Variants in CDH19 observed in about 807,000 individuals in gnomAD.
CDH19 encodes the protein cadherin 19, also known as cadherin-19.
Under a neutral mutation model 64.2 loss-of-function variants are expected in CDH19, and 67 were observed. That is an observed-to-expected ratio of 1.04 (90% CI 0.86 to 1.28). The LOEUF is 1.28. CDH19 is among the 50% of genes most tolerant of loss of function. The pLI is 0.00. For missense variants in CDH19, 1,030 were observed against 929.0 expected (o/e 1.11, Z -1.41); for synonymous variants, 346 against 319.3 (o/e 1.08, Z -0.89).
Position 66,535,113 on chromosome 18 carries a change from C to A in CDH19, c.1215-6G>T. 3 of 1,438,534 alleles carry A rather than the reference C, an allele frequency of 2.1e-6. No homozygotes were observed. Among genetic ancestry groups the A allele is most frequent in the South Asian group, 1.5e-5 (1 of 67,288 alleles). 89.1% of individuals were successfully genotyped at this position (1,438,534 alleles called of 1,614,324 possible). ...TGCTCCTAGTAATAGAATACCTGAA[C>A]CAAAAGGAAAGTATACCTTAATATT... On this transcript the variant is annotated splice_polypyrimidine_tract_variant and splice_region_variant and intron_variant, in intron 7 of 11. Coordinates refer to ENST00000262150, the MANE Select transcript of CDH19 (RefSeq NM_021153.4).
chr18:66,587,716 T>C (rs1479576887), intron 1 of CDH19, among the ~76,000 whole-genome samples: 1 of 152,084 alleles, frequency 6.6e-6, no homozygotes, highest in Non-Finnish European at 1.5e-5. Context: ...GTGGAGCCTC[T>C]ACCAAGCCTG....
At chr18:66,517,645 T>C (rs903639425) in intron 9 of CDH19, among the ~76,000 whole-genome samples, 1 of 152,056 alleles carries the variant, frequency 6.6e-6, no homozygotes, top group Admixed American at 6.6e-5. Context: ...CTATGATCAA[T>C]TTATTATCCA....
At chr18:66,584,698 C>T (rs1988524511) in intron 1 of CDH19, among the ~76,000 whole-genome samples, 1 of 152,026 alleles carries the variant, frequency 6.6e-6, no homozygotes, top group Non-Finnish European at 1.5e-5. Flanking sequence ...TACACATATA[C>T]CATGAAATAT....
chr18:66,578,693 G>T (rs901802939), intron 1 of CDH19, among the ~76,000 whole-genome samples: 14 of 151,738 alleles, frequency 9.2e-5, no homozygotes, highest in African/African-American at 2.9e-4. Context: ...ATATGAAGAT[G>T]CTTACATGAA....
chr18:66,517,707 G>GT (rs1224742986), intron 9 of CDH19, among the ~76,000 whole-genome samples: 1 of 151,918 alleles, frequency 6.6e-6, no homozygotes, highest in African/African-American at 2.4e-5. Context: ...TTCTCTGGCT[G>GT]TTTGAGCATG....
At chr18:66,505,587 T>A (rs1327239831) in intron 11 of CDH19, among the ~76,000 whole-genome samples, 1 of 147,422 alleles carries the variant, frequency 6.8e-6, no homozygotes, top group African/African-American at 2.5e-5. Flanking sequence ...ATATATATAG[T>A]GAACTATATA....
intron 7 of CDH19, among the ~76,000 whole-genome samples, chr18:66,536,846 T>C (rs1453423172): frequency 6.6e-6 from 1 of 151,768 alleles, no homozygotes; most frequent in Admixed American, 6.6e-5. Context: ...AAAATACATA[T>C]ATATATTTTT....
intron 10 of CDH19, among the ~76,000 whole-genome samples, chr18:66,510,232 T>C (rs1041984391): frequency 2.6e-5 from 4 of 151,700 alleles, no homozygotes; most frequent in Admixed American, 6.6e-5. Context: ...GACAATTCAC[T>C]ATGAAACCCT....
intron 3 of CDH19, among the ~76,000 whole-genome samples, chr18:66,567,022 C>T (rs529781570): frequency 3.3e-5 from 5 of 151,852 alleles, no homozygotes; most frequent in East Asian, 1.9e-4. Flanking sequence ...TAAAATGTCC[C>T]GTTTCCTCCA....
Position 66,505,003 on chromosome 18 carries a change from G to A in CDH19, c.2128C>T (p.Pro710Ser), listed in dbSNP as rs1985115114. Residue 710 changes from proline (P) to serine (S), a missense_variant, in exon 12 of 12, where the codon CCG (proline) becomes TCG (serine). Physicochemically the swap from Pro to Ser is moderately conservative, Grantham distance 74 (BLOSUM62 -1). Coordinates refer to ENST00000262150, the MANE Select transcript of CDH19 (RefSeq NM_021153.4). ...AGGGAATCAAAAGGAGGGGCACACGGATCAGTATTAGCTTCTTCGAGCTTT... is the reference window on the plus strand; with the variant it reads ...AGGGAATCAAAAGGAGGGGCACACGAATCAGTATTAGCTTCTTCGAGCTTT... ...LEKLEEANTD[P>S]CAPPFDSLQT... The A allele has an allele frequency of 6.2e-7, 1 of 1,613,456 alleles. No individual in the cohort carries two copies. Among genetic ancestry groups the A allele is most frequent in the Non-Finnish European group, 8.5e-7 (1 of 1,179,718 alleles).
At chr18:66,544,994 T>C in intron 5 of CDH19, 91 bp from the exon 6 acceptor site, 1 of 1,008,228 alleles carries the variant, frequency 9.9e-7, no homozygotes, top group Non-Finnish European at 1.4e-6. Context: ...TGTTTGTTTT[T>C]TCGAGACGGA....
chr18:66,505,173 GCCTCTGTATCTTCTTCTCCAC>G lies in CDH19; in HGVS notation c.1937_1957del (p.Gly646_Glu652del). On this transcript the variant is annotated inframe_deletion, in exon 12 of 12. Transcript: ENST00000262150. ...ACTCCTCAGCTCTGCTATATCAAAG[GCCTCTGTATCTTCTTCTCCAC>G]CCCCTTCATCATCATATTGGAATAT... The G allele has an allele frequency of 6.2e-7, 1 of 1,613,230 alleles. No homozygotes were observed. The highest frequency in any genetic ancestry group is 1.1e-5 in the South Asian group (1 of 91,046).
chr18:66,599,625 A>G, intron 1 of CDH19, among the ~76,000 whole-genome samples: 1 of 152,054 alleles, frequency 6.6e-6, no homozygotes, highest in Admixed American at 6.6e-5. Flanking sequence ...ATCATTCCAC[A>G]TTGTTTTCAT....
At chr18:66,529,779 A>G (rs537178048) in intron 9 of CDH19, 66 bp downstream of exon 9, 2 of 890,644 alleles carry the variant, frequency 2.2e-6, no homozygotes, top group African/African-American at 3.6e-5. Context: ...ATAATATATG[A>G]AGAAATTTCA....
intron 8 of CDH19, 29 bp from the exon 9 acceptor site, chr18:66,529,995 C>G (rs746257455): frequency 8.5e-7 from 1 of 1,170,332 alleles, no homozygotes; most frequent in Non-Finnish European, 1.2e-6. Context: ...TAATAAAAAT[C>G]TAACATATTT....
At chr18:66,596,722 T>A (rs1988897883) in intron 1 of CDH19, among the ~76,000 whole-genome samples, 1 of 152,018 alleles carries the variant, frequency 6.6e-6, no homozygotes, top group African/African-American at 2.4e-5. Context: ...ACCATAATCC[T>A]CAAGGAATTT....
intron 7 of CDH19, among the ~76,000 whole-genome samples, chr18:66,543,506 C>T (rs747876154): frequency 3.9e-5 from 6 of 152,044 alleles, no homozygotes; most frequent in African/African-American, 1.2e-4. Flanking sequence ...GCATCTTAAC[C>T]GACACTGAGG....
intron 8 of CDH19, among the ~76,000 whole-genome samples, chr18:66,534,176 G>C (rs1021299014): frequency 6.6e-6 from 1 of 151,882 alleles, no homozygotes; most frequent in South Asian, 2.1e-4. Context: ...TTTCTGACAC[G>C]AGAAGCCTTG....
intron 6 of CDH19, 96 bp from the exon 7 acceptor site, chr18:66,544,320 G>A: frequency 8.6e-7 from 1 of 1,158,798 alleles, no homozygotes; most frequent in Non-Finnish European, 1.2e-6. Flanking sequence ...AGTCTCAGTG[G>A]CCTTTCAGTT....
Sources: allele counts gnomAD v4.1 joint callset (sites outside exome capture counted in the v4.1 genomes callset), GRCh38; gene constraint gnomAD v4.1.1; transcripts MANE v1.5; gene names NCBI Gene and HGNC (gene_info 2026-07-23, HGNC 2026-07-21).